The following VPS53 variants were observed in gnomAD, a reference collection of about 807,000 sequenced individuals.
The protein encoded by VPS53 is VPS53 subunit of GARP complex, also known as vacuolar protein sorting-associated protein 53 homolog.
VPS53 carries 70 observed loss-of-function variants against 107.0 expected under a neutral mutation model. The ratio of observed to expected loss-of-function variants is 0.65; its 90% CI spans 0.54 to 0.80. The LOEUF (loss-of-function observed/expected upper bound fraction) is 0.80, where lower values mean the gene tolerates loss of function less well. Among genes scored for constraint, VPS53 ranks in the 30% least tolerant of loss-of-function variants. The pLI, the probability that VPS53 is intolerant of heterozygous loss-of-function variation, is 0.00. For synonymous variants in VPS53, 409 were observed against 393.3 expected (o/e 1.04, Z -0.47); for missense variants, 917 against 1,049.4 (o/e 0.87, Z 1.74).
At chr17:537,620 C>A (rs1910200476) in intron 17 of VPS53, 1 of 154,634 alleles carries the variant, frequency 6.5e-6, no homozygotes, top group African/African-American at 2.4e-5. Flanking sequence ...TTCACAGACA[C>A]CTTTCTCTCC....
At chr17:643,883 C>T (rs1216573611) in intron 7 of VPS53, among the ~76,000 whole-genome samples, 2 of 152,228 alleles carry the variant, frequency 1.3e-5, no homozygotes, top group African/African-American at 4.8e-5. Flanking sequence ...AGGAACTTGT[C>T]GAGGCCATAG....
intron 17 of VPS53, among the ~76,000 whole-genome samples, chr17:548,384 ATC>A (rs1911437129): frequency 1.3e-5 from 2 of 151,606 alleles, no homozygotes; most frequent in African/African-American, 2.4e-5. Context: ...TCCTTCTGGA[ATC>A]ATCCAATGAC....
chr17:529,697 T>C (rs1163016365), intron 19 of VPS53, among the ~76,000 whole-genome samples: 3 of 152,162 alleles, frequency 2.0e-5, no homozygotes, highest in African/African-American at 4.8e-5. Context: ...AGAAGACTTG[T>C]ACATTTTTAA....
At chr17:525,376 G>T (rs994216798) in intron 19 of VPS53, among the ~76,000 whole-genome samples, 7 of 152,108 alleles carry the variant, frequency 4.6e-5, no homozygotes, top group African/African-American at 1.2e-4. Flanking sequence ...TAACTGTAAT[G>T]ATTTACTTTA....
At chr17:555,429 C>T (rs556779654) in intron 15 of VPS53, among the ~76,000 whole-genome samples, 8 of 152,180 alleles carry the variant, frequency 5.3e-5, no homozygotes, top group Non-Finnish European at 8.8e-5. Flanking sequence ...AAACTCCTGA[C>T]CTCGTGATCT....
chr17:553,578 T>A (rs1211269395), intron 15 of VPS53, 116 bp from the exon 16 acceptor site: 1 of 687,864 alleles, frequency 1.5e-6, no homozygotes, highest in African/African-American at 1.9e-5. Flanking sequence ...CATACACTTT[T>A]TTTTTTTTTT....
intron 14 of VPS53, among the ~76,000 whole-genome samples, chr17:561,072 A>G (rs1370893562): frequency 2.0e-5 from 3 of 152,166 alleles, no homozygotes; most frequent in African/African-American, 7.2e-5. Context: ...AAAAGTCTGC[A>G]CTGGGACTCG....
intron 2 of VPS53, among the ~76,000 whole-genome samples, chr17:706,861 C>T (rs1162682902): frequency 6.6e-6 from 1 of 152,144 alleles, no homozygotes; most frequent in Non-Finnish European, 1.5e-5. Flanking sequence ...CAGGTCTCAC[C>T]ATCTCTTTCC....
At chr17:618,236 G>T (rs1969241425) in intron 11 of VPS53, among the ~76,000 whole-genome samples, 1 of 86,862 alleles carries the variant, frequency 1.2e-5, no homozygotes, top group Non-Finnish European at 2.8e-5. Context: ...CGGGTAGCTG[G>T]GACTACAGGC....
At chr17:580,647 G>A (rs2586117) in intron 13 of VPS53, among the ~76,000 whole-genome samples, 75,534 of 142,624 alleles carry the variant, frequency 0.53, 20,104 homozygotes, top group African/African-American at 0.71. Context: ...CCTCCCTCAG[G>A]ACAGAATGCG....
chr17:594,173 G>A (rs189633909), intron 12 of VPS53, among the ~76,000 whole-genome samples: 6 of 148,872 alleles, frequency 4.0e-5, no homozygotes, highest in Non-Finnish European at 8.8e-5. Context: ...GTGGGAGGAG[G>A]GGGGAGGGAT....
chr17:598,546 AG>A (rs548790289), intron 12 of VPS53, among the ~76,000 whole-genome samples: 2,313 of 148,052 alleles, frequency 0.016, 23 homozygotes, highest in Middle Eastern at 0.032. Context: ...CATCACATCT[AG>A]GAAGTGAGGA....
At chr17:661,615 T>C (rs1597454023) in intron 5 of VPS53, among the ~76,000 whole-genome samples, 194 bp downstream of exon 5, 1 of 151,844 alleles carries the variant, frequency 6.6e-6, no homozygotes, top group Non-Finnish European at 1.5e-5. Flanking sequence ...GCAGCAGAGA[T>C]GGTGAGCCAC....
chr17:594,284 T>C (rs886855340), intron 12 of VPS53, among the ~76,000 whole-genome samples: 2 of 152,348 alleles, frequency 1.3e-5, no homozygotes, highest in East Asian at 3.9e-4. Context: ...AACCTGCACA[T>C]TGTGCACATG....
At chr17:569,301 G>A (rs1001381273) in intron 13 of VPS53, among the ~76,000 whole-genome samples, 1 of 152,140 alleles carries the variant, frequency 6.6e-6, no homozygotes, top group Non-Finnish European at 1.5e-5. Context: ...GTTCAAACAC[G>A]GTGTGCAGGT....
chr17:525,173 A>G (rs1909036286), intron 19 of VPS53, among the ~76,000 whole-genome samples: 1 of 152,232 alleles, frequency 6.6e-6, no homozygotes, highest in African/African-American at 2.4e-5. Context: ...AAAAAAAGCA[A>G]GTGGGGAAAT....
chr17:562,399 T>A, intron 14 of VPS53, 104 bp downstream of exon 14: 1 of 1,511,120 alleles, frequency 6.6e-7, no homozygotes, highest in Admixed American at 1.9e-5. Context: ...CTTTCCTCCT[T>A]GATACTCTTG....
chr17:564,254 G>C (rs1198898258), intron 13 of VPS53, among the ~76,000 whole-genome samples: 1 of 152,138 alleles, frequency 6.6e-6, no homozygotes, highest in Non-Finnish European at 1.5e-5. Flanking sequence ...AATTAGCGTG[G>C]TGTGGGCCAG....
chr17:664,368 G>A (rs184539750), intron 4 of VPS53, among the ~76,000 whole-genome samples: 281 of 152,226 alleles, frequency 1.8e-3, no homozygotes, highest in African/African-American at 6.3e-3. Context: ...GTGAGCCGCC[G>A]CGCCCAGCCT....
Sources: gnomAD v4.1 joint callset for allele counts (sites outside exome capture counted in the v4.1 genomes callset) on GRCh38, gnomAD v4.1.1 for gene constraint, MANE v1.5 for transcripts, NCBI Gene and HGNC (gene_info 2026-07-23, HGNC 2026-07-21) for gene names.